ANKIB1: variants seen among roughly 807,000 people sequenced by gnomAD.
ANKIB1 encodes ankyrin repeat and IBR domain-containing protein 1.
ANKIB1 carries 43 observed loss-of-function variants against 122.1 expected under a neutral mutation model. The observed-to-expected ratio is 0.35, with a 90% confidence interval of 0.28 to 0.45. The LOEUF (loss-of-function observed/expected upper bound fraction) is 0.45. Among genes scored for constraint, ANKIB1 ranks in the 20% least tolerant of loss-of-function variants. The pLI, the probability that ANKIB1 is intolerant of heterozygous loss-of-function variation, is 1.00. For missense variants in ANKIB1, 992 were observed against 1,329.5 expected (o/e 0.75, Z 3.95); for synonymous variants, 390 against 442.0 (o/e 0.88, Z 1.48).
In ANKIB1 at chr7:92,320,342, C is replaced by T. The variant is rs376065055; in HGVS notation, c.669+830C>T. Among the ~76,000 whole-genome samples, 35 of 152,258 alleles carry T rather than the reference C, an allele frequency of 2.3e-4. No homozygotes were observed. The East Asian group carries it at 4.4e-3, about 19-fold the overall frequency. On this transcript the variant is annotated intron_variant, in intron 4 of 19. Coordinates refer to ENST00000265742, the MANE Select transcript of ANKIB1 (RefSeq NM_019004.2). ...CTTCTACTCTGATGGAACTGCCCCCCGTCATGGAGTGACATGTTGCCAAAT... is the reference window on the plus strand; with the variant it reads ...CTTCTACTCTGATGGAACTGCCCCCTGTCATGGAGTGACATGTTGCCAAAT...
intron 4 of ANKIB1, among the ~76,000 whole-genome samples, chr7:92,320,375 G>A (rs1414491701): frequency 6.6e-6 from 1 of 152,146 alleles, no homozygotes; most frequent in African/African-American, 2.4e-5. Flanking sequence ...AATTTAGTAG[G>A]TACTTTTCTG....
chr7:92,382,068 C>CAAA (rs942298010), intron 11 of ANKIB1, among the ~76,000 whole-genome samples: 1 of 132,104 alleles, frequency 7.6e-6, no homozygotes, highest in Non-Finnish European at 1.6e-5. Flanking sequence ...AAATGGAAAG[C>CAAA]AAAAAAAAAA....
At chr7:92,339,509 C>T (rs1211756496) in intron 5 of ANKIB1, among the ~76,000 whole-genome samples, 2 of 152,078 alleles carry the variant, frequency 1.3e-5, no homozygotes, top group African/African-American at 2.4e-5. Context: ...ATATTATCTA[C>T]TTCAGTTAGA....
intron 3 of ANKIB1, among the ~76,000 whole-genome samples, chr7:92,308,331 CATAGTT>C (rs1214640025): frequency 6.6e-6 from 1 of 152,060 alleles, no homozygotes; most frequent in African/African-American, 2.4e-5. Context: ...TATTTAGAGT[CATAGTT>C]ATAGTAGAGA....
intron 1 of ANKIB1, among the ~76,000 whole-genome samples, chr7:92,284,173 A>G (rs1013553720): frequency 4.0e-4 from 61 of 152,214 alleles, no homozygotes; most frequent in African/African-American, 1.4e-3. Flanking sequence ...GTTTGCACTC[A>G]AGCAGAGTTT....
In ANKIB1 at chr7:92,345,142, GTATT is replaced by G. The variant is rs1373581640; in HGVS notation, c.1085+79_1085+82del. On this transcript the variant is annotated intron_variant, in intron 7 of 19. Transcript: ENST00000265742. ...TTGTTAATAAAATTGTTTGCTTTCA[GTATT>G]TAATGATGCAAATTGTTTATATTGA... 3 of 1,078,270 alleles carry G rather than the reference GTATT, an allele frequency of 2.8e-6. No homozygotes were observed. In the African/African-American group the frequency reaches 4.8e-5, roughly 17 times the overall value. 66.8% of individuals were successfully genotyped at this position (1,078,270 alleles called of 1,614,324 possible).
intron 9 of ANKIB1, among the ~76,000 whole-genome samples, chr7:92,361,818 T>G (rs1200716271): frequency 1.3e-5 from 2 of 152,062 alleles, no homozygotes; most frequent in Middle Eastern, 3.4e-3. Flanking sequence ...TTTTTTTGTT[T>G]TTTTTTTTTA....
intron 1 of ANKIB1, among the ~76,000 whole-genome samples, chr7:92,274,078 G>C (rs1181351894): frequency 6.6e-6 from 1 of 152,038 alleles, no homozygotes; most frequent in Non-Finnish European, 1.5e-5. Flanking sequence ...TGTGGCCTCA[G>C]ACAGCTTTTT....
chr7:92,256,194 G>A (rs1801441602), intron 1 of ANKIB1, among the ~76,000 whole-genome samples: 1 of 152,210 alleles, frequency 6.6e-6, no homozygotes, highest in African/African-American at 2.4e-5. Flanking sequence ...AGGAGCTTTA[G>A]TAGTTTAGTG....
At chr7:92,390,502 A>C (rs1326136799) in intron 15 of ANKIB1, among the ~76,000 whole-genome samples, 1 of 152,184 alleles carries the variant, frequency 6.6e-6, no homozygotes, top group Admixed American at 6.5e-5. Flanking sequence ...TTTATTTTTG[A>C]AATACAACTG....
chr7:92,389,205 G>C (rs535050516), intron 14 of ANKIB1, among the ~76,000 whole-genome samples: 1 of 152,292 alleles, frequency 6.6e-6, no homozygotes, highest in African/African-American at 2.4e-5. Context: ...ACATAAGTCA[G>C]AAATCTCAGG....
intron 5 of ANKIB1, among the ~76,000 whole-genome samples, chr7:92,332,492 G>A (rs1585111755): frequency 6.6e-6 from 1 of 152,264 alleles, no homozygotes; most frequent in East Asian, 1.9e-4. Context: ...TTTATTAAAT[G>A]GAGTTGAATT....
intron 11 of ANKIB1, among the ~76,000 whole-genome samples, chr7:92,380,317 C>A (rs181775727): frequency 6.6e-6 from 1 of 152,210 alleles, no homozygotes; most frequent in African/African-American, 2.4e-5. Flanking sequence ...CATAGCTGAA[C>A]AAAAGGCCAC....
chr7:92,294,712 T>C (rs1204302583), intron 1 of ANKIB1, among the ~76,000 whole-genome samples, 177 bp from the exon 2 acceptor site: 1 of 152,210 alleles, frequency 6.6e-6, no homozygotes, highest in Non-Finnish European at 1.5e-5. Context: ...TAAGTTAATT[T>C]GGACAGTGTT....
At chr7:92,334,846 AT>A (rs1803253305) in intron 5 of ANKIB1, among the ~76,000 whole-genome samples, 1 of 151,752 alleles carries the variant, frequency 6.6e-6, no homozygotes, top group Non-Finnish European at 1.5e-5. Context: ...TGTTTGCACC[AT>A]TTTTTTCTTT....
chr7:92,307,329 C>T, intron 2 of ANKIB1, 30 bp from the exon 3 acceptor site: 2 of 1,571,386 alleles, frequency 1.3e-6, no homozygotes, highest in Non-Finnish European at 8.7e-7. Flanking sequence ...TGATTTTCAT[C>T]CTTTATTTTT....
At chr7:92,396,670 T>G (rs1178628830) in intron 18 of ANKIB1, among the ~76,000 whole-genome samples, 194 bp downstream of exon 18, 2 of 152,192 alleles carry the variant, frequency 1.3e-5, no homozygotes. Context: ...AAACTTGGAT[T>G]CATGACCCCA....
At chr7:92,261,428 G>GTTTT (rs1801562616) in intron 1 of ANKIB1, among the ~76,000 whole-genome samples, 1 of 138,044 alleles carries the variant, frequency 7.2e-6, no homozygotes, top group African/African-American at 2.7e-5. Context: ...TGTTTTGTTT[G>GTTTT]GCAACATACT....
chr7:92,268,032 T>C (rs1376382519), intron 1 of ANKIB1, among the ~76,000 whole-genome samples: 1 of 152,182 alleles, frequency 6.6e-6, no homozygotes, highest in Non-Finnish European at 1.5e-5. Flanking sequence ...AAGTACAGAT[T>C]GGTTTGCAAA....
Sources: allele counts gnomAD v4.1 joint callset (sites outside exome capture counted in the v4.1 genomes callset), GRCh38; gene constraint gnomAD v4.1.1; transcripts MANE v1.5; gene names NCBI Gene and HGNC (gene_info 2026-07-23, HGNC 2026-07-21).